NXPH1: variants seen among roughly 807,000 people sequenced by gnomAD.
NXPH1 encodes the protein neurexophilin-1.
NXPH1 carries 5 observed loss-of-function variants against 23.7 expected under a neutral mutation model. The observed-to-expected ratio is 0.21, with a 90% CI of 0.11 to 0.44. NXPH1 has a LOEUF of 0.44. Among genes scored for constraint, NXPH1 ranks in the 20% least tolerant of loss-of-function variants. The pLI, the probability that NXPH1 is intolerant of heterozygous loss-of-function variation, is 0.99. For missense variants in NXPH1, 324 were observed against 321.6 expected, an observed-to-expected ratio of 1.01 and a Z score of -0.06; for synonymous variants, 144 against 122.2, an observed-to-expected ratio of 1.18 and a Z score of -1.18.
intron 2 of NXPH1, among the ~76,000 whole-genome samples, chr7:8,747,570 A>G (rs11971113): frequency 6.6e-6 from 1 of 152,202 alleles, no homozygotes; most frequent in Non-Finnish European, 1.5e-5. Flanking sequence ...CCACTACTAA[A>G]TGCATTCCTG....
chr7:8,721,900 T>TTA lies in NXPH1; in HGVS notation c.55-29108_55-29107insTA, dbSNP rs1247328424. 9.2e-5 allele frequency among the ~76,000 whole-genome samples: 14 copies of TTA among 152,374 alleles called. No individual in the cohort carries two copies. The East Asian group carries it at 2.7e-3, about 29-fold the overall frequency. Reference sequence around the variant, plus strand: ...ATTTTAATTAAAAGGAAATTAATGATACACTTAGAATATGCTATTTAATTT... The same window carrying TTA: ...ATTTTAATTAAAAGGAAATTAATGATTAACACTTAGAATATGCTATTTAATTT... On this transcript the variant is annotated intron_variant, in intron 2 of 2. Coordinates refer to ENST00000405863, the MANE Select transcript of NXPH1 (RefSeq NM_152745.3).
At chr7:8,523,103 A>G (rs56085932) in intron 2 of NXPH1, among the ~76,000 whole-genome samples, 39,761 of 152,212 alleles carry the variant, frequency 0.26, 5,295 homozygotes, top group East Asian at 0.3. Flanking sequence ...GATAACAGGC[A>G]TGCAAAATGA....
intron 2 of NXPH1, among the ~76,000 whole-genome samples, chr7:8,634,695 T>TC (rs138945468): frequency 1.5e-5 from 2 of 135,680 alleles, no homozygotes; most frequent in Non-Finnish European, 3.0e-5. Flanking sequence ...TTTTTTTTTT[T>TC]CCAAAGAGCA....
At chr7:8,440,171 A>T (rs532583031) in intron 2 of NXPH1, among the ~76,000 whole-genome samples, 91 of 152,288 alleles carry the variant, frequency 6.0e-4, no homozygotes, top group African/African-American at 2.1e-3. Flanking sequence ...CAGTTTTAAG[A>T]TGTATTCCTG....
At chr7:8,559,007 C>T (rs2128620496) in intron 2 of NXPH1, among the ~76,000 whole-genome samples, 1 of 151,854 alleles carries the variant, frequency 6.6e-6, no homozygotes, top group South Asian at 2.1e-4. Context: ...TGCTCTGTTG[C>T]CCAGGCTGGA....
chr7:8,681,313 C>G (rs1821045481), intron 2 of NXPH1, among the ~76,000 whole-genome samples: 1 of 152,186 alleles, frequency 6.6e-6, no homozygotes. Flanking sequence ...CAAATATAAA[C>G]TGGAATTGCT....
chr7:8,748,101 C>T (rs1780501743), intron 2 of NXPH1, among the ~76,000 whole-genome samples: 1 of 152,130 alleles, frequency 6.6e-6, no homozygotes, highest in Non-Finnish European at 1.5e-5. Flanking sequence ...CATAATCCTC[C>T]TCTCCCAAGG....
In NXPH1 at chr7:8,434,736, T is replaced by A. The variant is rs1816158223; in HGVS notation, c.-130T>A. 6.5e-6 allele frequency: 1 copy of A among 152,676 alleles called. No homozygotes were observed. The highest frequency in any genetic ancestry group is 6.5e-5 in the Admixed American group (1 of 15,284). The allele number at this position is 152,676 out of a possible 1,614,324, so 9.5% of individuals were successfully genotyped here. On this transcript the variant is annotated 5_prime_UTR_variant, in exon 1 of 3. Transcript: ENST00000405863. The surrounding 1 kb of genome is among the most constrained non-coding windows in gnomAD (Gnocchi z 7.6). ...CCCAGAGCGGTCCCTTCTCGCAGGA[T>A]TCGCCCCAAGTCCTGTGCGGTACGT... is the stretch of plus-strand genomic sequence containing the variant.
chr7:8,676,036 G>A, intron 2 of NXPH1, among the ~76,000 whole-genome samples: 1 of 152,088 alleles, frequency 6.6e-6, no homozygotes, highest in Non-Finnish European at 1.5e-5. Context: ...GCAGAGTCTG[G>A]ATGTTTTTCT....
intron 2 of NXPH1, among the ~76,000 whole-genome samples, chr7:8,664,449 C>T (rs1164079530): frequency 6.6e-6 from 1 of 152,028 alleles, no homozygotes; most frequent in Non-Finnish European, 1.5e-5. Flanking sequence ...CCTTGACTGG[C>T]ATTTATTGCT....
chr7:8,664,402 C>G (rs1478375018), intron 2 of NXPH1, among the ~76,000 whole-genome samples: 1 of 152,102 alleles, frequency 6.6e-6, no homozygotes, highest in Non-Finnish European at 1.5e-5. Flanking sequence ...AGTTGGTAAT[C>G]TTCTCCCACT....
At chr7:8,692,624 C>T (rs193290707) in intron 2 of NXPH1, among the ~76,000 whole-genome samples, 3 of 152,114 alleles carry the variant, frequency 2.0e-5, no homozygotes, top group Non-Finnish European at 2.9e-5. Flanking sequence ...GCTACTCAAC[C>T]TTTCTCATAA....
intron 2 of NXPH1, among the ~76,000 whole-genome samples, chr7:8,437,999 T>G (rs1169700737): frequency 6.6e-6 from 1 of 152,242 alleles, no homozygotes; most frequent in East Asian, 1.9e-4. Flanking sequence ...CCACAAAAAC[T>G]ACAGCTGATG....
At chr7:8,716,227 T>A (rs1420409948) in intron 2 of NXPH1, among the ~76,000 whole-genome samples, 1 of 152,194 alleles carries the variant, frequency 6.6e-6, no homozygotes, top group African/African-American at 2.4e-5. Context: ...TTACTCTTTT[T>A]TATATTACAC....
At chr7:8,630,755 T>G (rs191446707) in intron 2 of NXPH1, among the ~76,000 whole-genome samples, 9 of 152,292 alleles carry the variant, frequency 5.9e-5, no homozygotes, top group Admixed American at 2.0e-4. Context: ...AAATTACAAA[T>G]GCTGGGTTTT....
rs1198224802 is a variant in NXPH1, at chr7:8,433,642, C to T, written c.-1224C>T. 1.3e-5 allele frequency among the ~76,000 whole-genome samples: 2 copies of T among 152,126 alleles called. No individual in the cohort carries two copies. Among genetic ancestry groups the T allele is most frequent in the Non-Finnish European group, 2.9e-5 (2 of 68,012 alleles). ...CGGCTGTCTCGAGCTGAATGGCTGGCAGTCTGCGGCTCCCCCGCCTCCGGC... is the reference window on the plus strand; with the variant it reads ...CGGCTGTCTCGAGCTGAATGGCTGGTAGTCTGCGGCTCCCCCGCCTCCGGC... On this transcript the variant is annotated 5_prime_UTR_variant, in exon 1 of 3. Coordinates refer to ENST00000405863, the MANE Select transcript of NXPH1 (RefSeq NM_152745.3). This position sits in a 1 kb window ranked among gnomAD's most constrained non-coding sequence, Gnocchi z 6.8.
rs1416072011 is a variant in NXPH1, at chr7:8,434,049, A to C, written c.-817A>C. Reference sequence around the variant, plus strand: ...GGCCGCCGGAAACCCAAAGCGCTCCAGAGCGTCCCCGGGTGGCCGGGCAGC... The same window carrying C: ...GGCCGCCGGAAACCCAAAGCGCTCCCGAGCGTCCCCGGGTGGCCGGGCAGC... On this transcript the variant is annotated 5_prime_UTR_variant, in exon 1 of 3. Coordinates refer to ENST00000405863, the MANE Select transcript of NXPH1 (RefSeq NM_152745.3). This position sits in a 1 kb window ranked among gnomAD's most constrained non-coding sequence, Gnocchi z 7.6. 5.3e-5 allele frequency: 8 copies of C among 152,332 alleles called. No homozygotes were observed. In the East Asian group the frequency reaches 1.6e-3, roughly 30 times the overall value. The allele number at this position is 152,332 out of a possible 1,614,324, so 9.4% of individuals were successfully genotyped here.
chr7:8,649,035 G>GT (rs57635072), intron 2 of NXPH1, among the ~76,000 whole-genome samples: 12 of 150,220 alleles, frequency 8.0e-5, no homozygotes, highest in African/African-American at 9.8e-5. Context: ...TACTTTTTTA[G>GT]TTTTTTTTGT....
intron 2 of NXPH1, among the ~76,000 whole-genome samples, chr7:8,509,209 T>C (rs945706712): frequency 3.9e-5 from 6 of 152,120 alleles, no homozygotes; most frequent in Non-Finnish European, 8.8e-5. Flanking sequence ...AAAATTAAAA[T>C]GTTGATTCTA....
Sources: allele counts gnomAD v4.1 joint callset (sites outside exome capture counted in the v4.1 genomes callset), GRCh38; gene constraint gnomAD v4.1.1; non-coding constraint Gnocchi (gnomAD v3.1); transcripts MANE v1.5; gene names NCBI Gene and HGNC (gene_info 2026-07-23, HGNC 2026-07-21).